DSCAM: variants seen among roughly 807,000 people sequenced by gnomAD.
DSCAM encodes DS cell adhesion molecule.
DSCAM carries 47 observed loss-of-function variants against 217.7 expected under a neutral mutation model. The observed-to-expected ratio is 0.22, with a 90% confidence interval of 0.17 to 0.28. The LOEUF (loss-of-function observed/expected upper bound fraction) is 0.28. Ranked by LOEUF, DSCAM falls within the 10% of genes least tolerant of loss-of-function variation. The probability of loss-of-function intolerance (pLI) is 1.00; values close to 1 mark genes in which losing one functional copy is unlikely to be tolerated. For synonymous variants in DSCAM, 1,056 were observed against 1,015.3 expected (o/e 1.04, Z -0.76); for missense variants, 2,080 against 2,618.3 (o/e 0.79, Z 4.49).
chr21:40,175,893 C>T (rs7278281), intron 15 of DSCAM, among the ~76,000 whole-genome samples: 8,517 of 151,162 alleles, frequency 0.056, 634 homozygotes, highest in African/African-American at 0.17. Flanking sequence ...TGTTTATAAA[C>T]GTTCATCTCA....
intron 3 of DSCAM, among the ~76,000 whole-genome samples, chr21:40,538,229 A>C (rs896109578): frequency 6.6e-6 from 1 of 151,954 alleles, no homozygotes; most frequent in Non-Finnish European, 1.5e-5. Context: ...TGATCAAGAG[A>C]TGGGGTGTTA....
chr21:40,153,349 T>G (rs8132673), intron 16 of DSCAM, among the ~76,000 whole-genome samples: 117,893 of 152,128 alleles, frequency 0.77, 45,812 homozygotes, highest in South Asian at 0.83. Context: ...GGGCAAATCG[T>G]GGTCAGAAGG....
At chr21:40,548,791 A>G (rs1421274944) in intron 3 of DSCAM, among the ~76,000 whole-genome samples, 1 of 152,224 alleles carries the variant, frequency 6.6e-6, no homozygotes, top group Non-Finnish European at 1.5e-5. Context: ...GGGATATATA[A>G]TTGTCCGTTA....
At chr21:40,844,986 C>A (rs776881017) in intron 1 of DSCAM, among the ~76,000 whole-genome samples, 3 of 152,128 alleles carry the variant, frequency 2.0e-5, no homozygotes, top group Non-Finnish European at 2.9e-5. Flanking sequence ...GGCTCTGTGT[C>A]TTTGGAACAC....
chr21:40,567,161 T>C (rs372010945), intron 3 of DSCAM, among the ~76,000 whole-genome samples: 46 of 152,304 alleles, frequency 3.0e-4, no homozygotes, highest in African/African-American at 1.1e-3. Flanking sequence ...CTTCTGATTT[T>C]AAAAGAAATT....
chr21:40,248,253 T>C (rs376822921), intron 11 of DSCAM, among the ~76,000 whole-genome samples: 1 of 152,352 alleles, frequency 6.6e-6, no homozygotes, highest in South Asian at 2.1e-4. Context: ...TGGCTCCTTG[T>C]TACTTATGCA....
At chr21:40,541,621 G>A (rs2076543278) in intron 3 of DSCAM, among the ~76,000 whole-genome samples, 2 of 151,802 alleles carry the variant, frequency 1.3e-5, no homozygotes, top group East Asian at 3.9e-4. Context: ...GTGTGTGTGT[G>A]GTCTATACAC....
At chr21:40,411,391 A>T (rs1198284096) in intron 3 of DSCAM, among the ~76,000 whole-genome samples, 1 of 152,178 alleles carries the variant, frequency 6.6e-6, no homozygotes, top group Non-Finnish European at 1.5e-5. Context: ...TAGATAGGAT[A>T]AGCAGAAAAC....
chr21:40,361,821 T>C (rs1019908152), intron 4 of DSCAM, among the ~76,000 whole-genome samples: 12 of 152,336 alleles, frequency 7.9e-5, no homozygotes, highest in Non-Finnish European at 1.2e-4. Context: ...TTTTAAACAA[T>C]TGAATTAATT....
intron 10 of DSCAM, among the ~76,000 whole-genome samples, chr21:40,281,381 C>T (rs939814422): frequency 3.3e-5 from 5 of 152,054 alleles, no homozygotes; most frequent in Non-Finnish European, 2.9e-5. Context: ...GATTATATGG[C>T]TGTCTGTCTT....
rs1408336515 is a variant in DSCAM at position 40,042,465 on chromosome 21, G to A, written c.5592C>T (p.Ser1864=). The change falls in exon 32 of 33, where the codon TCC becomes TCT. Residue 1864 remains serine (S), a synonymous_variant. Transcript: ENST00000400454. ...CAGTGAACCTGCAGATTCCCGATTC[G>A]GAAGGGGTGCTGGAGGTCAGACTGT... ...YTDSLTSSTP[S]ESGICRFTAS... 23 of 1,614,060 alleles carry A rather than the reference G, an allele frequency of 1.4e-5. No homozygotes were observed. Among genetic ancestry groups the A allele is most frequent in the East Asian group, 4.5e-5 (2 of 44,884 alleles).
chr21:40,130,497 C>T lies in DSCAM; in HGVS notation c.3562+3357G>A, dbSNP rs140856327. 2.2e-3 allele frequency among the ~76,000 whole-genome samples: 330 copies of T among 152,260 alleles called. 1 individual carries two copies. Among genetic ancestry groups the T allele is most frequent in the African/African-American group, 7.7e-3 (320 of 41,528 alleles). ...TGGATAAAAGATGATATCCATGGCC[C>T]TGAGACTCTGACTACAGGCATGAGA... On this transcript the variant is annotated intron_variant, in intron 19 of 32. Coordinates refer to ENST00000400454, the MANE Select transcript of DSCAM (RefSeq NM_001389.5).
intron 3 of DSCAM, among the ~76,000 whole-genome samples, chr21:40,377,039 G>A (rs934450547): frequency 3.3e-5 from 5 of 151,918 alleles, no homozygotes; most frequent in Admixed American, 6.6e-5. Flanking sequence ...CAATGTGACC[G>A]GTGTGTCCTT....
chr21:40,830,870 G>A (rs1248868075), intron 1 of DSCAM, among the ~76,000 whole-genome samples: 1 of 152,180 alleles, frequency 6.6e-6, no homozygotes, highest in Non-Finnish European at 1.5e-5. Flanking sequence ...ATGAAATTCA[G>A]GCTGCTTAGG....
chr21:40,354,588 G>C (rs1407614765), intron 4 of DSCAM, among the ~76,000 whole-genome samples: 1 of 151,998 alleles, frequency 6.6e-6, no homozygotes, highest in East Asian at 2.0e-4. Context: ...GGTGGCTCAG[G>C]CCTGTAATCC....
intron 19 of DSCAM, among the ~76,000 whole-genome samples, chr21:40,124,912 C>T (rs1017535169): frequency 6.6e-6 from 1 of 152,188 alleles, no homozygotes; most frequent in Non-Finnish European, 1.5e-5. Flanking sequence ...CTGGCAACTT[C>T]CTGCCTCTGG....
chr21:40,228,519 T>A (rs2091353417), intron 11 of DSCAM, among the ~76,000 whole-genome samples: 1 of 152,154 alleles, frequency 6.6e-6, no homozygotes, highest in South Asian at 2.1e-4. Context: ...CCTTATTTGT[T>A]CTGTTGCTCA....
chr21:40,515,142 T>C (rs562640685), intron 3 of DSCAM, among the ~76,000 whole-genome samples: 16 of 152,338 alleles, frequency 1.1e-4, no homozygotes, highest in African/African-American at 3.4e-4. Flanking sequence ...TTTACAAGTG[T>C]TGACGTTCCA....
chr21:40,068,861 G>A (rs938049078), intron 27 of DSCAM, among the ~76,000 whole-genome samples: 5 of 152,134 alleles, frequency 3.3e-5, no homozygotes, highest in South Asian at 2.1e-4. Context: ...TGAGGCAGGC[G>A]GATCACCTGA....
Sources: gnomAD v4.1 joint callset for allele counts (sites outside exome capture counted in the v4.1 genomes callset) on GRCh38, gnomAD v4.1.1 for gene constraint, MANE v1.5 for transcripts, NCBI Gene and HGNC (gene_info 2026-07-23, HGNC 2026-07-21) for gene names.